Variants in ADGRL3 observed in about 807,000 individuals in gnomAD.
The protein encoded by ADGRL3 is calcium-independent alpha-latrotoxin receptor 3.
In ADGRL3, 62 loss-of-function variants were observed where a neutral mutation model predicts 153.5. The observed-to-expected ratio is 0.40, with a 90% confidence interval of 0.33 to 0.50. The LOEUF is 0.50. ADGRL3 is among the 20% of genes least tolerant of loss of function. The probability of loss-of-function intolerance (pLI) is 0.47; values close to 1 mark genes in which losing one functional copy is unlikely to be tolerated. For missense variants in ADGRL3, 1,641 were observed against 1,859.4 expected, an observed-to-expected ratio of 0.88 and a Z score of 2.16; for synonymous variants, 710 against 672.5, an observed-to-expected ratio of 1.06 and a Z score of -0.86.
At chr4:61,863,384 C>T (rs1224228587) in intron 9 of ADGRL3, among the ~76,000 whole-genome samples, 1 of 150,922 alleles carries the variant, frequency 6.6e-6, no homozygotes, top group Non-Finnish European at 1.5e-5. Context: ...ACTACAGGCG[C>T]CCGCCACTAC....
intron 1 of ADGRL3, among the ~76,000 whole-genome samples, chr4:61,291,873 AG>A (rs1313536096): frequency 6.9e-6 from 1 of 144,108 alleles, no homozygotes; most frequent in African/African-American, 2.6e-5. Context: ...TGTTACATCT[AG>A]TATGCATTCT....
intron 1 of ADGRL3, among the ~76,000 whole-genome samples, chr4:61,247,146 C>A (rs967944756): frequency 6.6e-6 from 1 of 150,552 alleles, no homozygotes; most frequent in African/African-American, 2.4e-5. Context: ...AAAGCAGTCA[C>A]TTTTTTTTTA....
rs561835343 is a variant in ADGRL3 at position 62,027,279 on chromosome 4, A to G, written c.3396-1576A>G. 3.9e-5 allele frequency among the ~76,000 whole-genome samples: 6 copies of G among 152,084 alleles called. 1 individual carries two copies. In the East Asian group the frequency reaches 7.7e-4, roughly 20 times the overall value. The stretch of plus-strand genomic sequence containing the variant: ...TTCACACATCCATGGCATTATTCAA[A>G]TATCTCTTGGATTTCCGTTTCTTGG... On this transcript the variant is annotated intron_variant, in intron 21 of 26. Transcript: ENST00000683033.
intron 1 of ADGRL3, among the ~76,000 whole-genome samples, chr4:61,366,645 T>C (rs1265574254): frequency 6.6e-6 from 1 of 152,234 alleles, no homozygotes; most frequent in East Asian, 1.9e-4. Context: ...GATATTTTAT[T>C]TTTATTTGCT....
At chr4:61,564,494 A>G (rs1464620941) in intron 4 of ADGRL3, among the ~76,000 whole-genome samples, 2 of 152,166 alleles carry the variant, frequency 1.3e-5, no homozygotes, top group African/African-American at 4.8e-5. Flanking sequence ...GCTCATCTCA[A>G]ACTCCTGGGC....
chr4:61,569,040 G>C (rs1200316226), intron 4 of ADGRL3, among the ~76,000 whole-genome samples: 1 of 152,152 alleles, frequency 6.6e-6, no homozygotes, highest in Middle Eastern at 3.4e-3. Flanking sequence ...CTTTTGTTTC[G>C]AGAGACTTTT....
At chr4:61,938,356 CTT>C (rs1167333326) in intron 15 of ADGRL3, among the ~76,000 whole-genome samples, 1 of 152,134 alleles carries the variant, frequency 6.6e-6, no homozygotes, top group Non-Finnish European at 1.5e-5. Context: ...ACAGATAAGT[CTT>C]TAGTGAATTA....
chr4:62,062,631 T>C (rs762028658), intron 25 of ADGRL3, among the ~76,000 whole-genome samples: 6 of 152,074 alleles, frequency 3.9e-5, no homozygotes, highest in Non-Finnish European at 8.8e-5. Flanking sequence ...CTTGGTTAAA[T>C]GGCTTTGGAG....
At chr4:61,945,781 G>T (rs1008902591) in intron 15 of ADGRL3, among the ~76,000 whole-genome samples, 9 of 151,692 alleles carry the variant, frequency 5.9e-5, no homozygotes, top group Non-Finnish European at 1.3e-4. Context: ...GCAATGCCTC[G>T]CCCTGCTTCG....
chr4:62,010,153 A>G (rs1267153409), intron 21 of ADGRL3, among the ~76,000 whole-genome samples: 1 of 152,098 alleles, frequency 6.6e-6, no homozygotes, highest in African/African-American at 2.4e-5. Flanking sequence ...TTGATTCAAC[A>G]TTGGCTGCTC....
chr4:61,661,980 T>G (rs2094607394), intron 5 of ADGRL3, among the ~76,000 whole-genome samples: 1 of 152,278 alleles, frequency 6.6e-6, no homozygotes, highest in Admixed American at 6.5e-5. Flanking sequence ...TTTCAAGTGT[T>G]ACTTCTTACT....
chr4:61,485,640 T>A (rs1321683278), intron 2 of ADGRL3, among the ~76,000 whole-genome samples: 1 of 152,156 alleles, frequency 6.6e-6, no homozygotes, highest in East Asian at 1.9e-4. Context: ...TGGAAAGTGT[T>A]CAAAGAAAGT....
intron 26 of ADGRL3, among the ~76,000 whole-genome samples, chr4:62,069,193 A>G (rs756786692): frequency 5.3e-5 from 8 of 152,208 alleles, no homozygotes; most frequent in Non-Finnish European, 8.8e-5. Context: ...GTTTCTTACC[A>G]GAATAAAATG....
At chr4:61,319,987 TAAATG>T (rs1325162596) in intron 1 of ADGRL3, among the ~76,000 whole-genome samples, 16 of 152,148 alleles carry the variant, frequency 1.1e-4, no homozygotes, top group African/African-American at 3.4e-4. Flanking sequence ...TGATCATGGT[TAAATG>T]AAGTCCTAAG....
chr4:61,928,581 A>T (rs1581501777), intron 13 of ADGRL3, among the ~76,000 whole-genome samples: 1 of 152,328 alleles, frequency 6.6e-6, no homozygotes, highest in East Asian at 1.9e-4. Flanking sequence ...ATCTTGTTAA[A>T]TTACATTGGA....
intron 9 of ADGRL3, among the ~76,000 whole-genome samples, chr4:61,838,221 C>A (rs912985692): frequency 1.3e-5 from 2 of 152,042 alleles, no homozygotes; most frequent in Non-Finnish European, 2.9e-5. Context: ...TGTCTATAAA[C>A]CACTTTGACC....
chr4:61,983,691 C>T (rs2099075987), intron 19 of ADGRL3, 88 bp downstream of exon 19: 1 of 1,159,412 alleles, frequency 8.6e-7, no homozygotes, highest in East Asian at 2.4e-5. Context: ...TATTACCTCA[C>T]AGTGAAGAAA....
chr4:61,404,118 G>C lies in ADGRL3; in HGVS notation c.-174+20929G>C, dbSNP rs114125991. On this transcript the variant is annotated intron_variant, in intron 2 of 26. Transcript: ENST00000683033. The stretch of plus-strand genomic sequence containing the variant: ...TTAATAGATATATAATAGTTAGCAA[G>C]TTTCTGGCAGCATGGTGTTTACAGT... 1.9e-3 allele frequency among the ~76,000 whole-genome samples: 282 copies of C among 152,152 alleles called. 2 individuals carry two copies. Among genetic ancestry groups the C allele is most frequent in the African/African-American group, 6.6e-3 (273 of 41,532 alleles).
At chr4:61,937,621 C>T (rs2098844894) in intron 15 of ADGRL3, among the ~76,000 whole-genome samples, 1 of 151,946 alleles carries the variant, frequency 6.6e-6, no homozygotes, top group Non-Finnish European at 1.5e-5. Flanking sequence ...ATTCACTTAC[C>T]ATTATAAGAA....
Sources: gnomAD v4.1 joint callset for allele counts (sites outside exome capture counted in the v4.1 genomes callset) on GRCh38, gnomAD v4.1.1 for gene constraint, MANE v1.5 for transcripts, NCBI Gene and HGNC (gene_info 2026-07-23, HGNC 2026-07-21) for gene names.